DNAH11: variants seen among roughly 807,000 people sequenced by gnomAD.
DNAH11 encodes the protein dynein axonemal heavy chain 11.
In DNAH11, 442 loss-of-function variants were observed where a neutral mutation model predicts 526.0. The ratio of observed to expected loss-of-function variants is 0.84; its 90% confidence interval spans 0.78 to 0.91. The LOEUF (loss-of-function observed/expected upper bound fraction) is 0.91, where lower values mean the gene tolerates loss of function less well. Ranked by LOEUF, DNAH11 falls within the 40% of genes least tolerant of loss-of-function variation. DNAH11 has a pLI of 0.00. For synonymous variants in DNAH11, 2,461 were observed against 1,935.9 expected (o/e 1.27, Z -7.12); for missense variants, 6,989 against 5,448.7 (o/e 1.28, Z -8.90).
intron 20 of DNAH11, among the ~76,000 whole-genome samples, chr7:21,607,939 A>C (rs1177907143): frequency 4.3e-5 from 4 of 93,768 alleles, no homozygotes; most frequent in Non-Finnish European, 6.7e-5. Context: ...TTCATCTCAA[A>C]AAAAAAAAAA....
intron 66 of DNAH11, chr7:21,851,554 A>C (rs550348403): frequency 2.5e-5 from 12 of 471,572 alleles, no homozygotes; most frequent in African/African-American, 2.0e-4. Flanking sequence ...AGCTTATGTC[A>C]TAATGGTTAC....
intron 66 of DNAH11, among the ~76,000 whole-genome samples, chr7:21,844,791 G>A (rs1052454100): frequency 6.6e-6 from 1 of 152,226 alleles, no homozygotes; most frequent in Admixed American, 6.5e-5. Context: ...CTCATAGTCT[G>A]TGTGAGGCTG....
At chr7:21,828,815 G>T (rs1418415457) in intron 65 of DNAH11, among the ~76,000 whole-genome samples, 1 of 141,614 alleles carries the variant, frequency 7.1e-6, no homozygotes, top group Non-Finnish European at 1.5e-5. Context: ...CACCAATGTT[G>T]TTGTTGTTGT....
chr7:21,571,895 C>G lies in DNAH11; in HGVS notation c.1515C>G (p.His505Gln). ...GAGCAATTTTAAATGGACAAGTCCA[C>G]GAGATGAGTGAAGAACTTATGGAAC... is the stretch of plus-strand genomic sequence containing the variant. ...TKGAILNGQV[H>Q]EMSEELMELC... Residue 505 changes from histidine to glutamine, a missense_variant, in exon 8 of 82, where the codon CAC becomes CAG. Transcript: ENST00000409508. 6.2e-7 allele frequency: 1 copy of G among 1,612,646 alleles called. No individual in the cohort carries two copies. The highest frequency in any genetic ancestry group is 8.5e-7 in the Non-Finnish European group (1 of 1,179,310).
At chr7:21,670,417 G>C (rs1782598983) in intron 30 of DNAH11, among the ~76,000 whole-genome samples, 1 of 152,016 alleles carries the variant, frequency 6.6e-6, no homozygotes, top group Non-Finnish European at 1.5e-5. Flanking sequence ...AGTACATTTA[G>C]TAGTTTTTAA....
chr7:21,594,317 C>A (rs556147061), intron 14 of DNAH11, among the ~76,000 whole-genome samples: 1 of 152,124 alleles, frequency 6.6e-6, no homozygotes, highest in African/African-American at 2.4e-5. Context: ...TGCAGTCCAT[C>A]ATCATTCACT....
At chr7:21,614,239 G>T (rs572124829) in intron 20 of DNAH11, among the ~76,000 whole-genome samples, 3 of 152,292 alleles carry the variant, frequency 2.0e-5, no homozygotes, top group East Asian at 3.9e-4. Context: ...GGAGGAGGAT[G>T]GGAGAAAATA....
rs571317311 is a variant in DNAH11, at chr7:21,638,039, C to T, written c.4817+337C>T. ...TGATTGAGCACCTGGGATTGCACTC[C>T]GTTAATGTAGTCCTTTAGTTTCTAT... On this transcript the variant is annotated intron_variant, in intron 27 of 81. Transcript: ENST00000409508. Among the ~76,000 whole-genome samples, 94 of 152,154 alleles carry T rather than the reference C, an allele frequency of 6.2e-4. No homozygotes were observed. The Middle Eastern group carries it at 0.014, about 22-fold the overall frequency.
intron 55 of DNAH11, among the ~76,000 whole-genome samples, chr7:21,769,570 C>T (rs1175583302): frequency 3.3e-5 from 5 of 151,932 alleles, no homozygotes; most frequent in Admixed American, 1.3e-4. Flanking sequence ...CTGCAACTTC[C>T]GCCTCTCGGG....
At chr7:21,842,889 A>G in intron 66 of DNAH11, 141 bp downstream of exon 66, 1 of 728,912 alleles carries the variant, frequency 1.4e-6, no homozygotes, top group Non-Finnish European at 2.2e-6. Context: ...ATACATGTTA[A>G]AAGTTAAACA....
chr7:21,831,417 T>G (rs549279566), intron 65 of DNAH11, among the ~76,000 whole-genome samples: 1 of 152,316 alleles, frequency 6.6e-6, no homozygotes, highest in Non-Finnish European at 1.5e-5. Flanking sequence ...TTAGCAGCAA[T>G]GATAAAACCC....
intron 80 of DNAH11, among the ~76,000 whole-genome samples, chr7:21,899,749 A>G (rs1318479940): frequency 2.6e-5 from 4 of 152,202 alleles, no homozygotes; most frequent in South Asian, 2.1e-4. Flanking sequence ...TGCGAAAACC[A>G]CAGACAATCC....
chr7:21,719,342 TG>T (rs1784788038), intron 43 of DNAH11, among the ~76,000 whole-genome samples: 1 of 152,244 alleles, frequency 6.6e-6, no homozygotes, highest in Non-Finnish European at 1.5e-5. Flanking sequence ...TCTTTAAGTT[TG>T]GTAAGGTTTA....
chr7:21,773,024 G>A (rs531887592), intron 55 of DNAH11, among the ~76,000 whole-genome samples: 2 of 152,232 alleles, frequency 1.3e-5, no homozygotes, highest in Non-Finnish European at 2.9e-5. Flanking sequence ...TTGATTTGTA[G>A]GCTTCCCTTG....
At chr7:21,724,096 G>A (rs1306469521) in intron 44 of DNAH11, among the ~76,000 whole-genome samples, 3 of 152,096 alleles carry the variant, frequency 2.0e-5, no homozygotes, top group Non-Finnish European at 4.4e-5. Context: ...TGAAAGATTT[G>A]TCACCAAAAT....
chr7:21,769,779 C>T (rs192959297), intron 55 of DNAH11, among the ~76,000 whole-genome samples: 163 of 152,216 alleles, frequency 1.1e-3, no homozygotes, highest in African/African-American at 3.7e-3. Context: ...CCACTGCATC[C>T]GGCCTGGATT....
At chr7:21,857,818 T>A (rs1248510373) in intron 68 of DNAH11, among the ~76,000 whole-genome samples, 1 of 152,048 alleles carries the variant, frequency 6.6e-6, no homozygotes, top group Non-Finnish European at 1.5e-5. Context: ...TATAAAAAAA[T>A]TCAAAATGAA....
chr7:21,886,568 C>T (rs1784129785), intron 76 of DNAH11, among the ~76,000 whole-genome samples: 1 of 152,088 alleles, frequency 6.6e-6, no homozygotes, highest in African/African-American at 2.4e-5. Flanking sequence ...AGCAAGTTAC[C>T]ATGGAGATGG....
chr7:21,755,113 C>T (rs1786571439), intron 54 of DNAH11, among the ~76,000 whole-genome samples: 1 of 152,170 alleles, frequency 6.6e-6, no homozygotes, highest in Non-Finnish European at 1.5e-5. Flanking sequence ...TACCCATGCT[C>T]ACCGCCCAAA....
Sources: gnomAD v4.1 joint callset for allele counts (sites outside exome capture counted in the v4.1 genomes callset) on GRCh38, gnomAD v4.1.1 for gene constraint, MANE v1.5 for transcripts, NCBI Gene and HGNC (gene_info 2026-07-23, HGNC 2026-07-21) for gene names.